PRIMA1: variants seen among roughly 807,000 people sequenced by gnomAD.
PRIMA1 encodes proline rich membrane anchor 1.
A neutral mutation model predicts 17.5 loss-of-function variants in PRIMA1; 7 were observed. The observed-to-expected ratio is 0.40, with a 90% CI of 0.23 to 0.75. PRIMA1 has a LOEUF of 0.75. Among genes scored for constraint, PRIMA1 ranks in the 30% least tolerant of loss-of-function variants. PRIMA1 has a pLI of 0.37. For synonymous variants in PRIMA1, 97 were observed against 77.9 expected, an observed-to-expected ratio of 1.25 and a Z score of -1.29; for missense variants, 200 against 201.8, an observed-to-expected ratio of 0.99 and a Z score of 0.05.
intron 3 of PRIMA1, among the ~76,000 whole-genome samples, chr14:93,743,202 C>T (rs1041584494): frequency 5.9e-5 from 9 of 152,232 alleles, no homozygotes; most frequent in African/African-American, 1.9e-4. Context: ...GCAGCCCACT[C>T]GCCCCCATGG....
chr14:93,780,048 C>T (rs948764331), intron 2 of PRIMA1, among the ~76,000 whole-genome samples: 1 of 152,258 alleles, frequency 6.6e-6, no homozygotes, highest in African/African-American at 2.4e-5. Context: ...GACAACCTCT[C>T]CGGCCCCACC....
chr14:93,722,658 T>C (rs375518266), intron 4 of PRIMA1, among the ~76,000 whole-genome samples: 1 of 107,750 alleles, frequency 9.3e-6, no homozygotes, highest in African/African-American at 3.6e-5. Flanking sequence ...GTGGCGATGG[T>C]GATAGCGGTA....
rs77188416 is a variant in PRIMA1, at chr14:93,746,855, C to G, written c.230-9485G>C. 3.9e-3 allele frequency among the ~76,000 whole-genome samples: 601 copies of G among 152,156 alleles called. 5 individuals carry two copies. Among genetic ancestry groups the G allele is most frequent in the African/African-American group, 0.014 (579 of 41,510 alleles). On this transcript the variant is annotated intron_variant, in intron 3 of 4. Coordinates refer to ENST00000393140, the MANE Select transcript of PRIMA1 (RefSeq NM_178013.4). ...ACACAGAGAGGAGCTAAGGATGACT[C>G]TGAGGGTTTGGGGCTGTGCTTGTGG... is the stretch of plus-strand genomic sequence containing the variant.
chr14:93,740,377 G>T (rs1595198030), intron 3 of PRIMA1, among the ~76,000 whole-genome samples: 2 of 152,002 alleles, frequency 1.3e-5, no homozygotes, highest in East Asian at 3.9e-4. Flanking sequence ...TCTTCCTGGG[G>T]TGATGCCCCC....
intron 3 of PRIMA1, among the ~76,000 whole-genome samples, chr14:93,748,243 G>A (rs1349158504): frequency 6.6e-6 from 1 of 152,100 alleles, no homozygotes; most frequent in Admixed American, 6.5e-5. Flanking sequence ...GGGAGAGAGG[G>A]GTGAGGGGCC....
intron 4 of PRIMA1, among the ~76,000 whole-genome samples, chr14:93,731,822 G>C (rs778166333): frequency 6.6e-5 from 10 of 152,200 alleles, no homozygotes; most frequent in Non-Finnish European, 1.2e-4. Context: ...GATCAACACT[G>C]AACAGTCCTG....
intron 3 of PRIMA1, among the ~76,000 whole-genome samples, chr14:93,755,865 G>A (rs1459884171): frequency 2.6e-5 from 4 of 151,794 alleles, no homozygotes; most frequent in African/African-American, 4.8e-5. Flanking sequence ...TTGTACCCAC[G>A]AGTGCCTGGC....
chr14:93,773,008 T>A (rs555100778), intron 3 of PRIMA1, among the ~76,000 whole-genome samples: 1 of 152,190 alleles, frequency 6.6e-6, no homozygotes, highest in Non-Finnish European at 1.5e-5. Context: ...CAACCACCCA[T>A]GTGCAGCAGG....
At chr14:93,729,816 C>T (rs965584374) in intron 4 of PRIMA1, among the ~76,000 whole-genome samples, 3 of 151,718 alleles carry the variant, frequency 2.0e-5, no homozygotes, top group South Asian at 4.2e-4. Context: ...TGTGCTATTC[C>T]GAAGCTTGGA....
intron 3 of PRIMA1, among the ~76,000 whole-genome samples, chr14:93,745,657 A>G (rs986037849): frequency 5.3e-5 from 8 of 150,254 alleles, no homozygotes; most frequent in African/African-American, 2.0e-4. Flanking sequence ...GCTCCCTTCA[A>G]CCCCCTCTCC....
At chr14:93,780,091 T>C (rs1338365313) in intron 2 of PRIMA1, among the ~76,000 whole-genome samples, 2 of 152,210 alleles carry the variant, frequency 1.3e-5, no homozygotes, top group Admixed American at 1.3e-4. Flanking sequence ...CTCTCTGCCC[T>C]CATTCTCTCC....
chr14:93,730,697 A>G (rs1003976675), intron 4 of PRIMA1, among the ~76,000 whole-genome samples: 4 of 152,224 alleles, frequency 2.6e-5, no homozygotes, highest in Non-Finnish European at 5.9e-5. Flanking sequence ...CCACACATTC[A>G]GTAAGAACTA....
intron 3 of PRIMA1, among the ~76,000 whole-genome samples, chr14:93,759,763 C>T (rs996818439): frequency 2.2e-4 from 33 of 152,318 alleles, no homozygotes; most frequent in African/African-American, 7.2e-4. Flanking sequence ...GCTCTGTCCC[C>T]GGGAGCCCCA....
intron 4 of PRIMA1, among the ~76,000 whole-genome samples, chr14:93,735,385 C>G (rs2076143100): frequency 6.6e-6 from 1 of 152,248 alleles, no homozygotes; most frequent in Non-Finnish European, 1.5e-5. Flanking sequence ...GCTCCCCTCA[C>G]AGGTGCCTTG....
chr14:93,777,307 C>T (rs1273751632), intron 3 of PRIMA1, among the ~76,000 whole-genome samples: 1 of 151,868 alleles, frequency 6.6e-6, no homozygotes, highest in African/African-American at 2.4e-5. Context: ...GCCCTTTTCC[C>T]CCAACCTGAT....
At chr14:93,723,385 C>T (rs2076055014) in intron 4 of PRIMA1, among the ~76,000 whole-genome samples, 2 of 152,140 alleles carry the variant, frequency 1.3e-5, no homozygotes, top group Non-Finnish European at 1.5e-5. Flanking sequence ...TGCCTGGTGA[C>T]CAGCTCGATG....
intron 1 of PRIMA1, 56 bp from the exon 2 acceptor site, chr14:93,787,805 C>G (rs905354010): frequency 2.3e-5 from 34 of 1,497,110 alleles, no homozygotes; most frequent in Non-Finnish European, 2.8e-5. Flanking sequence ...CTTCCGCCGC[C>G]GCGCACCAAT....
chr14:93,773,230 A>G (rs1051224800), intron 3 of PRIMA1, among the ~76,000 whole-genome samples: 1 of 152,170 alleles, frequency 6.6e-6, no homozygotes, highest in Non-Finnish European at 1.5e-5. Context: ...TCTTCATGAC[A>G]ATTCCTCTGC....
chr14:93,764,815 C>T (rs1271792203), intron 3 of PRIMA1, among the ~76,000 whole-genome samples: 2 of 152,158 alleles, frequency 1.3e-5, no homozygotes, highest in Non-Finnish European at 2.9e-5. Flanking sequence ...GAAAAAGGTA[C>T]TGCCCGTAGC....
Sources: allele counts gnomAD v4.1 joint callset (sites outside exome capture counted in the v4.1 genomes callset), GRCh38; gene constraint gnomAD v4.1.1; transcripts MANE v1.5; gene names NCBI Gene and HGNC (gene_info 2026-07-23, HGNC 2026-07-21).